Variants in NAALADL2 observed in about 807,000 individuals in gnomAD.
NAALADL2 encodes N-acetylated alpha-linked acidic dipeptidase like 2.
NAALADL2 carries 76 observed loss-of-function variants against 87.2 expected under a neutral mutation model. The ratio of observed to expected loss-of-function variants is 0.87; its 90% CI spans 0.72 to 1.05. The LOEUF is 1.05. NAALADL2 is among the 50% of genes least tolerant of loss of function. The pLI is 0.00. For missense variants in NAALADL2, 1,089 were observed against 945.8 expected, an observed-to-expected ratio of 1.15 and a Z score of -1.99; for synonymous variants, 354 against 331.0, an observed-to-expected ratio of 1.07 and a Z score of -0.75.
At chr3:175,060,963 T>C (rs1233229452) in intron 1 of NAALADL2, among the ~76,000 whole-genome samples, 1 of 152,126 alleles carries the variant, frequency 6.6e-6, no homozygotes, top group East Asian at 1.9e-4. Context: ...GGAGAATGGC[T>C]TGAACCCGGG....
In NAALADL2 at chr3:175,484,159, C is replaced by T. The variant is rs536067613; in HGVS notation, c.1653+12401C>T. ...AGGTGTACCAAAAGTAAAATGTTTC[C>T]TCTTACTTTGAAAGTTTATCTGTTA... On this transcript the variant is annotated intron_variant, in intron 9 of 13. Coordinates refer to ENST00000454872, the MANE Select transcript of NAALADL2 (RefSeq NM_207015.3). Among the ~76,000 whole-genome samples the T allele has an allele frequency of 6.6e-5, 10 of 152,132 alleles. No individual in the cohort carries two copies. The East Asian group carries it at 1.5e-3, about 24-fold the overall frequency.
chr3:174,720,294 A>G, intron 2 of NAALADL2, among the ~76,000 whole-genome samples: 1 of 152,272 alleles, frequency 6.6e-6, no homozygotes, highest in Middle Eastern at 3.4e-3. Flanking sequence ...ATAGATTTCA[A>G]TATATTTGTG....
At chr3:175,101,665 T>C (rs561712574) in intron 2 of NAALADL2, among the ~76,000 whole-genome samples, 60 of 152,222 alleles carry the variant, frequency 3.9e-4, no homozygotes, top group Non-Finnish European at 7.8e-4. Flanking sequence ...AGATTAAGTA[T>C]GTTGAAAACT....
At chr3:175,192,703 G>A (rs1738385285) in intron 2 of NAALADL2, among the ~76,000 whole-genome samples, 1 of 151,924 alleles carries the variant, frequency 6.6e-6, no homozygotes, top group South Asian at 2.1e-4. Flanking sequence ...GACTAACAAC[G>A]ATGTTAGCCA....
At chr3:175,509,663 G>A (rs1730857356) in intron 9 of NAALADL2, among the ~76,000 whole-genome samples, 1 of 152,012 alleles carries the variant, frequency 6.6e-6, no homozygotes, top group African/African-American at 2.4e-5. Context: ...TAATTAATAA[G>A]CAGATGAGTA....
At chr3:174,656,102 G>A (rs538421702) in intron 2 of NAALADL2, among the ~76,000 whole-genome samples, 2 of 152,140 alleles carry the variant, frequency 1.3e-5, no homozygotes, top group Admixed American at 1.3e-4. Flanking sequence ...ACACAGAAGG[G>A]CCTGGCAGAA....
chr3:175,246,368 G>C (rs541584134), intron 3 of NAALADL2, among the ~76,000 whole-genome samples: 1 of 152,224 alleles, frequency 6.6e-6, no homozygotes, highest in Non-Finnish European at 1.5e-5. Flanking sequence ...AACTTGAGTA[G>C]AAAATTACTG....
At chr3:174,899,951 G>A (rs1022708426) in intron 1 of NAALADL2, among the ~76,000 whole-genome samples, 8 of 151,736 alleles carry the variant, frequency 5.3e-5, no homozygotes, top group African/African-American at 1.9e-4. Context: ...CAAGATAAGT[G>A]TAGGTTCTTT....
intron 1 of NAALADL2, among the ~76,000 whole-genome samples, chr3:174,889,172 C>CA (rs1730568811): frequency 1.3e-5 from 2 of 151,842 alleles, no homozygotes; most frequent in African/African-American, 4.8e-5. Flanking sequence ...TATACAAAAC[C>CA]AAAAAACCAT....
At chr3:175,263,449 G>T (rs1297608342) in intron 4 of NAALADL2, among the ~76,000 whole-genome samples, 2 of 151,812 alleles carry the variant, frequency 1.3e-5, no homozygotes, top group Non-Finnish European at 2.9e-5. Flanking sequence ...AGTCTGTCAA[G>T]AATTGAATGC....
intron 3 of NAALADL2, among the ~76,000 whole-genome samples, chr3:174,828,747 T>A (rs1218385363): frequency 6.6e-6 from 1 of 152,188 alleles, no homozygotes; most frequent in Non-Finnish European, 1.5e-5. Context: ...GTTATAAACC[T>A]ACCCTTTCTT....
At chr3:175,786,046 T>A (rs1252053606) in intron 13 of NAALADL2, among the ~76,000 whole-genome samples, 1 of 152,122 alleles carries the variant, frequency 6.6e-6, no homozygotes, top group African/African-American at 2.4e-5. Flanking sequence ...TCTTCTGGCT[T>A]GTAGGGTTTC....
intron 1 of NAALADL2, chr3:175,059,885 A>G (rs540233690): frequency 1.1e-5 from 4 of 348,796 alleles, no homozygotes; most frequent in Admixed American, 3.6e-5. Flanking sequence ...GCAAGACACG[A>G]GTTCACAGGC....
intron 11 of NAALADL2, among the ~76,000 whole-genome samples, chr3:175,701,209 C>T (rs1244798543): frequency 6.6e-6 from 1 of 152,038 alleles, no homozygotes; most frequent in African/African-American, 2.4e-5. Context: ...GGTGGGCTAA[C>T]AAGAAGTGAG....
chr3:174,683,178 TGAA>T (rs1418889870), intron 2 of NAALADL2, among the ~76,000 whole-genome samples: 7 of 152,062 alleles, frequency 4.6e-5, no homozygotes, highest in Admixed American at 2.6e-4. Flanking sequence ...TTAGTGAGCT[TGAA>T]GACACGCAAT....
chr3:174,684,946 T>C (rs2108836659), intron 2 of NAALADL2, among the ~76,000 whole-genome samples: 1 of 152,242 alleles, frequency 6.6e-6, no homozygotes, highest in South Asian at 2.1e-4. Flanking sequence ...TCTGCCTATG[T>C]CCTCATTCAT....
At chr3:175,298,732 T>G (rs1034364029) in intron 4 of NAALADL2, among the ~76,000 whole-genome samples, 24 of 152,112 alleles carry the variant, frequency 1.6e-4, no homozygotes, top group African/African-American at 5.8e-4. Context: ...TTGGGTTCAT[T>G]TAAATCAGAA....
chr3:174,756,992 G>A (rs1712185103), intron 3 of NAALADL2, among the ~76,000 whole-genome samples: 1 of 152,054 alleles, frequency 6.6e-6, no homozygotes, highest in African/African-American at 2.4e-5. Flanking sequence ...ACATTTTGGT[G>A]TCTCTGTAAT....
At chr3:175,350,917 A>C (rs1431877251) in intron 5 of NAALADL2, among the ~76,000 whole-genome samples, 1 of 152,164 alleles carries the variant, frequency 6.6e-6, no homozygotes, top group South Asian at 2.1e-4. Context: ...ATACTTTCAC[A>C]TACATACAAA....
Sources: allele counts gnomAD v4.1 joint callset (sites outside exome capture counted in the v4.1 genomes callset), GRCh38; gene constraint gnomAD v4.1.1; transcripts MANE v1.5; gene names NCBI Gene and HGNC (gene_info 2026-07-23, HGNC 2026-07-21).